TCF3: variants seen among roughly 807,000 people sequenced by gnomAD.
TCF3 encodes transcription factor E2-alpha.
Under a neutral mutation model 72.3 loss-of-function variants are expected in TCF3, and 54 were observed. That is an observed-to-expected ratio of 0.75 (90% CI 0.60 to 0.94). The LOEUF (loss-of-function observed/expected upper bound fraction) is 0.94, where lower values mean the gene tolerates loss of function less well. TCF3 is among the 40% of genes least tolerant of loss of function. The probability of loss-of-function intolerance (pLI) is 0.00; values close to 1 mark genes in which losing one functional copy is unlikely to be tolerated. For synonymous variants in TCF3, 525 were observed against 412.6 expected (o/e 1.27, Z -3.30); for missense variants, 1,078 against 934.4 (o/e 1.15, Z -2.00).
chr19:1,625,768 A>G, intron 6 of TCF3, 60 bp from the exon 7 acceptor site: 1 of 1,432,376 alleles, frequency 7.0e-7, no homozygotes, highest in South Asian at 1.4e-5. Flanking sequence ...AGGCTGTTCC[A>G]TTCAAGAAAA....
At chr19:1,650,439 G>A (rs992374893) in intron 1 of TCF3, 152 bp from the exon 2 acceptor site, 1 of 593,704 alleles carries the variant, frequency 1.7e-6, no homozygotes, top group African/African-American at 1.9e-5. Context: ...GGCACGGGGA[G>A]CCCTGGGAGC....
At chr19:1,623,268 A>T (rs1194479363) in intron 8 of TCF3, among the ~76,000 whole-genome samples, 2 of 152,066 alleles carry the variant, frequency 1.3e-5, no homozygotes, top group African/African-American at 4.8e-5. Context: ...ATGAGACCGC[A>T]GGAGTGTGGC....
intron 3 of TCF3, among the ~76,000 whole-genome samples, chr19:1,633,523 C>T (rs1181766178): frequency 4.1e-4 from 63 of 152,178 alleles, no homozygotes; most frequent in Admixed American, 4.1e-3. Flanking sequence ...CCTTCTATTT[C>T]GGTGCCTTTG....
chr19:1,649,915 CCT>C (rs2145771749), intron 2 of TCF3, among the ~76,000 whole-genome samples: 1 of 152,356 alleles, frequency 6.6e-6, no homozygotes, highest in African/African-American at 2.4e-5. Flanking sequence ...GGACCATGCC[CCT>C]GAGGACTCAG....
intron 18 of TCF3, among the ~76,000 whole-genome samples, chr19:1,613,479 C>T (rs1486995969): frequency 6.6e-6 from 1 of 152,146 alleles, no homozygotes; most frequent in Non-Finnish European, 1.5e-5. Context: ...AGGGGAGGCC[C>T]AGTGCCTGCT....
chr19:1,629,387 G>A (rs1003515115), intron 5 of TCF3, among the ~76,000 whole-genome samples: 14 of 152,184 alleles, frequency 9.2e-5, no homozygotes, highest in African/African-American at 2.4e-4. Flanking sequence ...GAATGAGCAC[G>A]TGACCTGCAC....
Position 1,611,438 on chromosome 19 carries a change from G to A in TCF3, c.*269C>T, listed in dbSNP as rs2060975422. 2.3e-6 allele frequency: 1 copy of A among 426,382 alleles called. No individual in the cohort carries two copies. Among genetic ancestry groups the A allele is most frequent in the African/African-American group, 2.0e-5 (1 of 49,276 alleles). 26.4% of individuals were successfully genotyped at this position (426,382 alleles called of 1,614,324 possible). A position where few individuals can be genotyped will look rare whatever the true frequency, so the allele number is the denominator to read the frequency against. On this transcript the variant is annotated 3_prime_UTR_variant, in exon 19 of 19. Coordinates refer to ENST00000262965, the MANE Select transcript of TCF3 (RefSeq NM_003200.5). ...CAAGATGCAGTTTCAGGATCCATGG[G>A]ACAGGTCACAGAGTGACACGGTGGC... is the stretch of plus-strand genomic sequence containing the variant.
rs375181763 is a variant in TCF3 at position 1,610,826 on chromosome 19, C to T, written c.*881G>A. The T allele has an allele frequency of 4.7e-4, 108 of 228,454 alleles. No homozygotes were observed. The highest frequency in any genetic ancestry group is 1.7e-3 in the East Asian group (28 of 16,122). 14.2% of individuals were successfully genotyped at this position (228,454 alleles called of 1,614,324 possible). On this transcript the variant is annotated 3_prime_UTR_variant, in exon 19 of 19. Coordinates refer to ENST00000262965, the MANE Select transcript of TCF3 (RefSeq NM_003200.5). Reference sequence around the variant, plus strand: ...AGGTGCCTTCATCAGGGAACGCCCACGCATCACTTTCCACATGACAAAACC... The same window carrying T: ...AGGTGCCTTCATCAGGGAACGCCCATGCATCACTTTCCACATGACAAAACC...
At chr19:1,646,858 GGA>G (rs1206963291) in intron 2 of TCF3, among the ~76,000 whole-genome samples, 3 of 152,254 alleles carry the variant, frequency 2.0e-5, no homozygotes, top group Non-Finnish European at 4.4e-5. Flanking sequence ...GTGGACATGT[GGA>G]GAGTCCCCGG....
At position 1,615,624 on chromosome 19, in the gene TCF3, G is replaced by C; in HGVS notation, c.1586+62C>G. ...CCAGTGTGGGTGCGGTGTGCGTGTG[G>C]CCTGTGCACATGTGCGTCCTGATGG... On this transcript the variant is annotated intron_variant, in intron 17 of 18. Transcript: ENST00000262965. This position sits in a 1 kb window ranked among gnomAD's most constrained non-coding sequence, Gnocchi z 7.3. The C allele has an allele frequency of 6.2e-7, 1 of 1,611,038 alleles. No individual in the cohort carries two copies. The highest frequency in any genetic ancestry group is 8.5e-7 in the Non-Finnish European group (1 of 1,179,790).
chr19:1,623,847 C>T (rs1448324645), intron 8 of TCF3, 104 bp downstream of exon 8: 7 of 1,229,506 alleles, frequency 5.7e-6, no homozygotes, highest in Non-Finnish European at 8.1e-6. Context: ...GGCCTGTCCA[C>T]TCAGGGCCCA....
intron 5 of TCF3, 125 bp from the exon 6 acceptor site, chr19:1,627,551 G>C (rs1019681013): frequency 4.7e-6 from 4 of 846,360 alleles, no homozygotes; most frequent in Non-Finnish European, 7.6e-6. Flanking sequence ...CGCCACGGCA[G>C]GATGCTGGCA....
chr19:1,645,680 T>C (rs7259305), intron 3 of TCF3, among the ~76,000 whole-genome samples: 20,720 of 152,146 alleles, frequency 0.14, 1,498 homozygotes, highest in South Asian at 0.3. Context: ...GCCCTGCCCA[T>C]GCTCCAGAGT....
At position 1,615,602 on chromosome 19, in the gene TCF3, G is replaced by A. The variant is rs1269434920; in HGVS notation, c.1587-82C>T. The A allele has an allele frequency of 1.9e-6, 3 of 1,608,572 alleles. No homozygotes were observed. Among genetic ancestry groups the A allele is most frequent in the Non-Finnish European group, 2.5e-6 (3 of 1,179,738 alleles). On this transcript the variant is annotated intron_variant, in intron 17 of 18. Coordinates refer to ENST00000262965, the MANE Select transcript of TCF3 (RefSeq NM_003200.5). The surrounding 1 kb of genome is among the most constrained non-coding windows in gnomAD (Gnocchi z 7.3). ...CGTGGGGCCCGCCGACGGCCTCCCA[G>A]TGTGGGTGCGGTGTGCGTGTGGCCT... is the stretch of plus-strand genomic sequence containing the variant.
intron 13 of TCF3, 53 bp downstream of exon 13, chr19:1,620,915 C>T (rs964166429): frequency 2.1e-6 from 3 of 1,395,392 alleles, no homozygotes; most frequent in South Asian, 1.7e-5. Context: ...GCCTCCCCTC[C>T]CCCCAAACCC....
rs147217505 is a variant in TCF3, at chr19:1,619,172, C to T, written c.1389G>A (p.Ala463=). ...AGSTSLMHNH[A]ALPSQPGTLP... ...GGGTGCCTGGCTGGCTGGGGAGGGC[C>T]GCGTGGTTGTGCATGAGGCTGGTGC... The change falls in exon 16 of 19, where the codon GCG becomes GCA. Residue 463 remains alanine (A), a synonymous_variant. Coordinates refer to ENST00000262965, the MANE Select transcript of TCF3 (RefSeq NM_003200.5). 7.5e-5 allele frequency: 120 copies of T among 1,600,166 alleles called. No homozygotes were observed. Among genetic ancestry groups the T allele is most frequent in the Non-Finnish European group, 9.5e-5 (112 of 1,179,710 alleles).
chr19:1,612,924 T>A (rs2061178386), intron 18 of TCF3, among the ~76,000 whole-genome samples: 1 of 149,650 alleles, frequency 6.7e-6, no homozygotes, highest in African/African-American at 2.5e-5. Flanking sequence ...ACGGCTGGTG[T>A]GGGCAGCAGT....
Position 1,612,346 on chromosome 19 carries a change from G to A in TCF3, c.1823-497C>T, listed in dbSNP as rs568282400. On this transcript the variant is annotated intron_variant, in intron 18 of 18. Transcript: ENST00000262965. The stretch of plus-strand genomic sequence containing the variant: ...GGAAGGCCTCGTTAATATCCCGCAC[G>A]CGCACCCGCTCCCGCGCGTTATTGG... The A allele has an allele frequency of 3.6e-5, 58 of 1,613,936 alleles. No individual in the cohort carries two copies. The East Asian group carries it at 5.3e-4, about 15-fold the overall frequency.
In TCF3 at chr19:1,612,134, G is replaced by A. The variant is rs1212814448; in HGVS notation, c.1823-285C>T. 4.9e-6 allele frequency: 7 copies of A among 1,441,444 alleles called. No individual in the cohort carries two copies. In the Admixed American group the frequency reaches 1.4e-4, roughly 30 times the overall value. 89.3% of individuals were successfully genotyped at this position (1,441,444 alleles called of 1,614,324 possible). A position where few individuals can be genotyped will look rare whatever the true frequency, so the allele number is the denominator to read the frequency against. On this transcript the variant is annotated intron_variant, in intron 18 of 18. Coordinates refer to ENST00000262965, the MANE Select transcript of TCF3 (RefSeq NM_003200.5). ...CAGAGTCCGGGGGCGGCAAGCACAG[G>A]AGGACCCCAGCATCTGCACCTGGGT...
Sources: allele counts gnomAD v4.1 joint callset (sites outside exome capture counted in the v4.1 genomes callset), GRCh38; gene constraint gnomAD v4.1.1; non-coding constraint Gnocchi (gnomAD v3.1); transcripts MANE v1.5; gene names NCBI Gene and HGNC (gene_info 2026-07-23, HGNC 2026-07-21).